MAPK11: variants seen among roughly 807,000 people sequenced by gnomAD.
MAPK11 encodes mitogen-activated protein kinase 11.
MAPK11 carries 44 observed loss-of-function variants against 52.2 expected under a neutral mutation model. That is an observed-to-expected ratio of 0.84 (90% CI 0.66 to 1.08). The LOEUF (loss-of-function observed/expected upper bound fraction) is 1.08, where lower values mean the gene tolerates loss of function less well. Among genes scored for constraint, MAPK11 ranks in the 50% least tolerant of loss-of-function variants. The probability of loss-of-function intolerance (pLI) is 0.00; values close to 1 mark genes in which losing one functional copy is unlikely to be tolerated. For missense variants in MAPK11, 436 were observed against 494.7 expected, an observed-to-expected ratio of 0.88 and a Z score of 1.13; for synonymous variants, 233 against 206.3, an observed-to-expected ratio of 1.13 and a Z score of -1.11.
rs1243824955 is a variant in MAPK11, at chr22:50,264,930, G to T, written c.*18C>A. On this transcript the variant is annotated 3_prime_UTR_variant, in exon 12 of 12. Transcript: ENST00000330651. The stretch of plus-strand genomic sequence containing the variant: ...CCCAAGCCCCTCCACAGGCTCTCAG[G>T]GGCTGCTGGGCAGCACCTCACTGCT... 1 of 1,603,242 alleles carries T rather than the reference G, an allele frequency of 6.2e-7. No homozygotes were observed.
At position 50,270,254 on chromosome 22, in the gene MAPK11, C is replaced by T. The variant is rs2065298437; in HGVS notation, c.39G>A (p.Leu13=). Residue 13 remains leucine (L), a synonymous_variant, in exon 1 of 12, where the codon CTG becomes CTA. Transcript: ENST00000330651. This position sits in a 1 kb window ranked among gnomAD's most constrained non-coding sequence, Gnocchi z 6.3. ...GPRAGFYRQE[L]NKTVWEVPQR... is the part of the protein sequence containing the mutation. The stretch of plus-strand genomic sequence containing the variant: ...GCGGCACCTCCCACACGGTCTTGTT[C>T]AGCTCCTGCCGGTAGAAGCCGGCGC... 1 of 1,457,710 alleles carries T rather than the reference C, an allele frequency of 6.9e-7. No individual in the cohort carries two copies. The highest frequency in any genetic ancestry group is 9.1e-7 in the Non-Finnish European group (1 of 1,104,102). 90.3% of individuals were successfully genotyped at this position (1,457,710 alleles called of 1,614,324 possible).
chr22:50,268,023 T>A lies in MAPK11; in HGVS notation c.117-74A>T, dbSNP rs2065280763. On this transcript the variant is annotated intron_variant, in intron 1 of 11. Transcript: ENST00000330651. ...CGCACGCGCGTGGACCCGGGCGGCG[T>A]CCCTCTCGCCGCTTCTCCGTGGGGA... is the stretch of plus-strand genomic sequence containing the variant. 2.6e-5 allele frequency: 35 copies of A among 1,337,732 alleles called. No individual in the cohort carries two copies. In the South Asian group the frequency reaches 4.7e-4, roughly 18 times the overall value. 82.9% of individuals were successfully genotyped at this position (1,337,732 alleles called of 1,614,324 possible).
intron 9 of MAPK11, 136 bp from the exon 10 acceptor site, chr22:50,265,796 C>G (rs1353082025): frequency 4.8e-6 from 3 of 626,410 alleles, no homozygotes; most frequent in Non-Finnish European, 8.6e-6. Context: ...GACCAGTGAC[C>G]CCCTCCATAT....
In MAPK11 at chr22:50,264,906, C is replaced by T. The variant is rs1159325746; in HGVS notation, c.*42G>A. 1.3e-6 allele frequency: 2 copies of T among 1,539,194 alleles called. No homozygotes were observed. The highest frequency in any genetic ancestry group is 3.6e-5 in the Admixed American group (2 of 54,914). On this transcript the variant is annotated 3_prime_UTR_variant, in exon 12 of 12. Transcript: ENST00000330651. ...AGGCCAGCTGTGGAAGGGTGCAGGC[C>T]CAAGCCCCTCCACAGGCTCTCAGGG... is the stretch of plus-strand genomic sequence containing the variant.
intron 7 of MAPK11, 88 bp downstream of exon 7, chr22:50,266,846 G>T: frequency 7.6e-7 from 1 of 1,308,934 alleles, no homozygotes; most frequent in South Asian, 1.2e-5. Flanking sequence ...TGGGGACCTT[G>T]CCTGCCCCCT....
intron 7 of MAPK11, 113 bp downstream of exon 7, chr22:50,266,821 T>G (rs1362062429): frequency 9.1e-7 from 1 of 1,104,070 alleles, no homozygotes; most frequent in South Asian, 1.3e-5. Context: ...CTTTTGAATG[T>G]GGGTCCCACA....
At position 50,265,292 on chromosome 22, in the gene MAPK11, G is replaced by A. The variant is rs748922356; in HGVS notation, c.1015+29C>T. ...GGGAAATGGAGCCCGCAGGCCCCTG[G>A]ACCCACCCCCAGCCACTGCCATGCT... On this transcript the variant is annotated intron_variant, in intron 11 of 11. Coordinates refer to ENST00000330651, the MANE Select transcript of MAPK11 (RefSeq NM_002751.7). 5 of 1,609,920 alleles carry A rather than the reference G, an allele frequency of 3.1e-6. No homozygotes were observed. The African/African-American group carries it at 5.3e-5, about 17-fold the overall frequency.
At chr22:50,265,210 G>T in intron 11 of MAPK11, 111 bp downstream of exon 11, 1 of 1,451,802 alleles carries the variant, frequency 6.9e-7, no homozygotes, top group Non-Finnish European at 9.5e-7. Context: ...CTGGACACCT[G>T]AACGCCCTTC....
chr22:50,268,287 C>T (rs1056674906), intron 1 of MAPK11, among the ~76,000 whole-genome samples: 3 of 152,214 alleles, frequency 2.0e-5, no homozygotes, highest in African/African-American at 7.2e-5. Context: ...CGTGGAAAAA[C>T]ACAGCAGGAA....
At chr22:50,268,269 C>T (rs768009579) in intron 1 of MAPK11, among the ~76,000 whole-genome samples, 3 of 152,182 alleles carry the variant, frequency 2.0e-5, no homozygotes, top group Non-Finnish European at 4.4e-5. Context: ...GAGAGGTGCC[C>T]CATCCAGCGT....
intron 8 of MAPK11, 73 bp downstream of exon 8, chr22:50,266,466 AG>A: frequency 6.9e-7 from 1 of 1,450,548 alleles, no homozygotes; most frequent in South Asian, 1.4e-5. Flanking sequence ...ACCCGCCAGA[AG>A]GGGCCAGCGC....
rs1234261880 is a variant in MAPK11, at chr22:50,264,694, A to G, written c.*254T>C. On this transcript the variant is annotated 3_prime_UTR_variant, in exon 12 of 12. Coordinates refer to ENST00000330651, the MANE Select transcript of MAPK11 (RefSeq NM_002751.7). ...GTCAGGTCCCAGTGGAGAGTGCAGT[A>G]GCCAGAAGAGGACAGGAGGACCAAG... 6.7e-6 allele frequency: 3 copies of G among 450,306 alleles called. No homozygotes were observed. The highest frequency in any genetic ancestry group is 1.2e-5 in the Non-Finnish European group (3 of 245,614). The allele number at this position is 450,306 out of a possible 1,614,324, so 27.9% of individuals were successfully genotyped here.
At position 50,270,147 on chromosome 22, in the gene MAPK11, C is replaced by A. The variant is rs1394773866; in HGVS notation, c.116+30G>T. The A allele has an allele frequency of 8.3e-7, 1 of 1,209,028 alleles. No individual in the cohort carries two copies. The highest frequency in any genetic ancestry group is 1.6e-5 in the African/African-American group (1 of 62,278). 74.9% of individuals were successfully genotyped at this position (1,209,028 alleles called of 1,614,324 possible). A position where few individuals can be genotyped will look rare whatever the true frequency, so the allele number is the denominator to read the frequency against. On this transcript the variant is annotated intron_variant, in intron 1 of 11. Coordinates refer to ENST00000330651, the MANE Select transcript of MAPK11 (RefSeq NM_002751.7). This position sits in a 1 kb window ranked among gnomAD's most constrained non-coding sequence, Gnocchi z 6.3. Reference sequence around the variant, plus strand: ...GCGCTCTCCGGCCCGGCCCGGCCCCCACCCAGCACCCCTTCTGCCCCGCCC... The same window carrying A: ...GCGCTCTCCGGCCCGGCCCGGCCCCAACCCAGCACCCCTTCTGCCCCGCCC...
In MAPK11 at chr22:50,270,030, C is replaced by G. The variant is rs1030115201; in HGVS notation, c.116+147G>C. On this transcript the variant is annotated intron_variant, in intron 1 of 11. Transcript: ENST00000330651. The surrounding 1 kb of genome is among the most constrained non-coding windows in gnomAD (Gnocchi z 6.3). ...CTTTACGCCGCCACCCCCGCCCCCC[C>G]ATTCATTCCTCAGATCCGCTTGGCG... is the stretch of plus-strand genomic sequence containing the variant. 3 of 357,540 alleles carry G rather than the reference C, an allele frequency of 8.4e-6. No individual in the cohort carries two copies. Among genetic ancestry groups the G allele is most frequent in the African/African-American group, 4.3e-5 (2 of 46,486 alleles). 22.1% of individuals were successfully genotyped at this position (357,540 alleles called of 1,614,324 possible).
intron 1 of MAPK11, among the ~76,000 whole-genome samples, chr22:50,269,185 G>C (rs2065288979): frequency 1.3e-5 from 2 of 152,284 alleles, no homozygotes; most frequent in East Asian, 3.9e-4. Flanking sequence ...CAAAGAGGAA[G>C]ACAGATCTGT....
At position 50,267,376 on chromosome 22, in the gene MAPK11, G is replaced by C; in HGVS notation, c.412C>G (p.Leu138Val). 1 of 1,593,666 alleles carries C rather than the reference G, an allele frequency of 6.3e-7. No homozygotes were observed. Among genetic ancestry groups the C allele is most frequent in the South Asian group, 1.1e-5 (1 of 90,246 alleles). The change falls in exon 4 of 12, where the codon CTG becomes GTG. Residue 138 changes from leucine to valine, a missense_variant. Coordinates refer to ENST00000330651, the MANE Select transcript of MAPK11 (RefSeq NM_002751.7). ...CGAAGCCCAGGGCGCCCCACCTTCA[G>C]CCCGCGCAGCAGCTGGTAAACCAGG... ...QFLVYQLLRG[L>V]KYIHSAGIIH...
rs1053996604 is a variant in MAPK11, at chr22:50,264,756, A to G, written c.*192T>C. On this transcript the variant is annotated 3_prime_UTR_variant, in exon 12 of 12. Coordinates refer to ENST00000330651, the MANE Select transcript of MAPK11 (RefSeq NM_002751.7). The stretch of plus-strand genomic sequence containing the variant: ...GACACTTGTGCCCAGACTCCTACAC[A>G]TGGCAAGCACATGTACACACATGTT... The G allele has an allele frequency of 1.4e-5, 8 of 562,468 alleles. No individual in the cohort carries two copies. The highest frequency in any genetic ancestry group is 2.2e-5 in the Non-Finnish European group (7 of 312,772). The allele number at this position is 562,468 out of a possible 1,614,324, so 34.8% of individuals were successfully genotyped here. A position where few individuals can be genotyped will look rare whatever the true frequency, so the allele number is the denominator to read the frequency against.
intron 7 of MAPK11, 155 bp from the exon 8 acceptor site, chr22:50,266,766 G>A: frequency 1.1e-6 from 1 of 949,130 alleles, no homozygotes; most frequent in South Asian, 1.4e-5. Context: ...TGCACAGCCA[G>A]AGGAGGCCAG....
chr22:50,266,860 A>T, intron 7 of MAPK11, 74 bp downstream of exon 7: 1 of 1,420,560 alleles, frequency 7.0e-7, no homozygotes, highest in Non-Finnish European at 9.8e-7. Flanking sequence ...GCCCCCTAAG[A>T]CCTGGCATGC....
Sources: gnomAD v4.1 joint callset for allele counts (sites outside exome capture counted in the v4.1 genomes callset) on GRCh38, gnomAD v4.1.1 for gene constraint, Gnocchi (gnomAD v3.1) non-coding constraint, MANE v1.5 for transcripts, NCBI Gene and HGNC (gene_info 2026-07-23, HGNC 2026-07-21) for gene names.